The following ACOX3 variants were observed in gnomAD, a reference collection of about 807,000 sequenced individuals.
ACOX3 encodes peroxisomal acyl-coenzyme A oxidase 3.
In ACOX3, 73 loss-of-function variants were observed where a neutral mutation model predicts 81.5. That is an observed-to-expected ratio of 0.90 (90% CI 0.74 to 1.09). The LOEUF (loss-of-function observed/expected upper bound fraction) is 1.09. Among genes scored for constraint, ACOX3 ranks in the 50% least tolerant of loss-of-function variants. The pLI is 0.00. For missense variants in ACOX3, 947 were observed against 928.0 expected, an observed-to-expected ratio of 1.02 and a Z score of -0.27; for synonymous variants, 387 against 375.1, an observed-to-expected ratio of 1.03 and a Z score of -0.37.
intron 6 of ACOX3, among the ~76,000 whole-genome samples, chr4:8,409,346 G>A (rs1721415677): frequency 6.6e-6 from 1 of 152,208 alleles, no homozygotes; most frequent in African/African-American, 2.4e-5. Flanking sequence ...GGCAAGGGTG[G>A]GGCTGTCTGT....
chr4:8,426,562 C>T (rs1426295877), intron 1 of ACOX3, among the ~76,000 whole-genome samples: 1 of 143,258 alleles, frequency 7.0e-6, no homozygotes, highest in Admixed American at 7.1e-5. Context: ...ATCACCTCAC[C>T]CCCTCCATGC....
Position 8,385,154 on chromosome 4 carries a change from G to A in ACOX3, c.1538-3547C>T, listed in dbSNP as rs373022411. On this transcript the variant is annotated intron_variant, in intron 13 of 17. Coordinates refer to ENST00000356406, the MANE Select transcript of ACOX3 (RefSeq NM_003501.3). The surrounding 1 kb of genome is among the most constrained non-coding windows in gnomAD (Gnocchi z 5.5). Reference sequence around the variant, plus strand: ...TTAAAGCCTAGCTCAAGGTCACAGCGGGGGGCAGTGCTGACCCAATAGCCT... The same window carrying A: ...TTAAAGCCTAGCTCAAGGTCACAGCAGGGGGCAGTGCTGACCCAATAGCCT... 3.3e-5 allele frequency among the ~76,000 whole-genome samples: 5 copies of A among 152,090 alleles called. No homozygotes were observed. The highest frequency in any genetic ancestry group is 4.8e-5 in the African/African-American group (2 of 41,422).
chr4:8,397,797 A>C (rs1408549746), intron 8 of ACOX3, among the ~76,000 whole-genome samples: 1 of 152,240 alleles, frequency 6.6e-6, no homozygotes, highest in Non-Finnish European at 1.5e-5. Context: ...CTTCCAAGGC[A>C]GCATGGTAAT....
Position 8,405,977 on chromosome 4 carries a change from C to G in ACOX3, c.754G>C (p.Gly252Arg). The G allele has an allele frequency of 1.2e-6, 2 of 1,614,134 alleles. No individual in the cohort carries two copies. The highest frequency in any genetic ancestry group is 1.7e-6 in the Non-Finnish European group (2 of 1,180,030). Residue 252 changes from glycine to arginine, a missense_variant, in exon 7 of 18, where the codon GGG (glycine) becomes CGG (arginine). Gly to Arg is a moderately radical substitution (Grantham distance 125). Transcript: ENST00000356406. The surrounding 1 kb of genome is among the most constrained non-coding windows in gnomAD (Gnocchi z 7.1). ...VMVGDIGKKL[G>R]QNGLDNGFAM... The stretch of plus-strand genomic sequence containing the variant: ...CACCCATTATCCAGACCGTTCTGCC[C>G]GAGTTTTTTTCCTATGTCGCCAACC...
At position 8,416,277 on chromosome 4, in the gene ACOX3, C is replaced by A; in HGVS notation, c.144+101G>T. On this transcript the variant is annotated intron_variant, in intron 2 of 17. Transcript: ENST00000356406. The surrounding 1 kb of genome is among the most constrained non-coding windows in gnomAD (Gnocchi z 4.2). Reference sequence around the variant, plus strand: ...GCCGCGCTGCCTGGGATGAGCCTCGCCCGGCAGAGGAGGAGCTGTGAGAGC... The same window carrying A: ...GCCGCGCTGCCTGGGATGAGCCTCGACCGGCAGAGGAGGAGCTGTGAGAGC... 1 of 1,595,012 alleles carries A rather than the reference C, an allele frequency of 6.3e-7. No individual in the cohort carries two copies. The highest frequency in any genetic ancestry group is 8.6e-7 in the Non-Finnish European group (1 of 1,166,568).
chr4:8,411,306 G>A (rs1004265386), intron 5 of ACOX3, among the ~76,000 whole-genome samples: 1 of 152,216 alleles, frequency 6.6e-6, no homozygotes, highest in African/African-American at 2.4e-5. Context: ...GCCCCTGCAG[G>A]GTGGGAGGCT....
At chr4:8,415,603 A>C (rs990918816) in intron 3 of ACOX3, among the ~76,000 whole-genome samples, 163 bp downstream of exon 3, 51 of 152,174 alleles carry the variant, frequency 3.4e-4, no homozygotes, top group African/African-American at 1.0e-3. Flanking sequence ...AGGGGGACTG[A>C]AATTTTTTTA....
intron 1 of ACOX3, among the ~76,000 whole-genome samples, chr4:8,439,678 A>G (rs1025469922): frequency 3.3e-5 from 5 of 152,240 alleles, no homozygotes; most frequent in Non-Finnish European, 5.9e-5. Context: ...CACAGGTTTG[A>G]TCCTAGGTCT....
Position 8,384,840 on chromosome 4 carries a change from C to G in ACOX3, c.1538-3233G>C, listed in dbSNP as rs1185064037. On this transcript the variant is annotated intron_variant, in intron 13 of 17. Transcript: ENST00000356406. The surrounding 1 kb of genome is among the most constrained non-coding windows in gnomAD (Gnocchi z 5.3). ...CCTCAGCCAGATCACAGGCCCGGGT[C>G]TGACCATGCCCGCCGCTCTGGTGCT... 3.9e-5 allele frequency among the ~76,000 whole-genome samples: 6 copies of G among 152,216 alleles called. No individual in the cohort carries two copies. The highest frequency in any genetic ancestry group is 7.4e-5 in the Non-Finnish European group (5 of 68,024).
At chr4:8,420,111 T>C (rs1722770541) in intron 1 of ACOX3, among the ~76,000 whole-genome samples, 1 of 152,172 alleles carries the variant, frequency 6.6e-6, no homozygotes, top group Non-Finnish European at 1.5e-5. Flanking sequence ...GTGAGGAAAC[T>C]GGAGCTTCTT....
chr4:8,424,820 C>T (rs1578993763), intron 1 of ACOX3, among the ~76,000 whole-genome samples: 2 of 152,158 alleles, frequency 1.3e-5, no homozygotes, highest in Admixed American at 1.3e-4. Flanking sequence ...TTGACTGATC[C>T]CGACCTCAAC....
rs1410189755 is a variant in ACOX3, at chr4:8,430,815, C to T, written c.-15+9833G>A. Among the ~76,000 whole-genome samples, 1 of 152,200 alleles carries T rather than the reference C, an allele frequency of 6.6e-6. No homozygotes were observed. Among genetic ancestry groups the T allele is most frequent in the Non-Finnish European group, 1.5e-5 (1 of 68,036 alleles). ...AGGTTGCAGTGAGCCAAGGTAGCAC[C>T]ATTGCACTCCAGCCTGGGTGACAAG... On this transcript the variant is annotated intron_variant, in intron 1 of 17. Transcript: ENST00000356406. The surrounding 1 kb of genome is among the most constrained non-coding windows in gnomAD (Gnocchi z 5.2).
intron 8 of ACOX3, among the ~76,000 whole-genome samples, chr4:8,398,905 A>C (rs1720025651): frequency 6.6e-6 from 1 of 152,118 alleles, no homozygotes; most frequent in Non-Finnish European, 1.5e-5. Context: ...TTGATGTTGG[A>C]TTAACATCTC....
rs373052958 is a variant in ACOX3, at chr4:8,373,604, G to T, written c.1853C>A (p.Ala618Glu). The change falls in exon 16 of 18, where the codon GCG becomes GAG. Residue 618 changes from alanine to glutamate, a missense_variant. Coordinates refer to ENST00000356406, the MANE Select transcript of ACOX3 (RefSeq NM_003501.3). ...GACGGCGCTCTCCAACACTTCTCCC[G>T]CCTGCTCACCGGAGAAGTATCCTCC... ...YRGGYFSGEQ[A>E]GEVLESAVLA... The T allele has an allele frequency of 1.2e-6, 2 of 1,613,140 alleles. No homozygotes were observed. The highest frequency in any genetic ancestry group is 2.7e-5 in the African/African-American group (2 of 74,890).
At position 8,405,135 on chromosome 4, in the gene ACOX3, T is replaced by C. The variant is rs1720796286; in HGVS notation, c.776+820A>G. 6.6e-6 allele frequency among the ~76,000 whole-genome samples: 1 copy of C among 152,162 alleles called. No individual in the cohort carries two copies. Among genetic ancestry groups the C allele is most frequent in the African/African-American group, 2.4e-5 (1 of 41,434 alleles). ...AAGGGCCGGCTGCACATCTGTCTCA[T>C]TCCAAAAGTCATGCTGCTAATGACC... is the stretch of plus-strand genomic sequence containing the variant. On this transcript the variant is annotated intron_variant, in intron 7 of 17. Coordinates refer to ENST00000356406, the MANE Select transcript of ACOX3 (RefSeq NM_003501.3). The surrounding 1 kb of genome is among the most constrained non-coding windows in gnomAD (Gnocchi z 7.1).
At chr4:8,436,752 G>C (rs888424740) in intron 1 of ACOX3, among the ~76,000 whole-genome samples, 1 of 151,812 alleles carries the variant, frequency 6.6e-6, no homozygotes, top group African/African-American at 2.4e-5. Context: ...GGAAGGCCGA[G>C]GTGGGCAGAT....
chr4:8,363,081 C>A (rs1034732259), downstream of ACOX3, among the ~76,000 whole-genome samples: 1 of 152,206 alleles, frequency 6.6e-6, no homozygotes, highest in Admixed American at 6.5e-5. Flanking sequence ...TTTAGGCTAA[C>A]CCTGCTTATT....
At chr4:8,392,214 T>G in intron 11 of ACOX3, 119 bp downstream of exon 11, 1 of 1,280,352 alleles carries the variant, frequency 7.8e-7, no homozygotes, top group East Asian at 2.7e-5. Context: ...AAAACTTTAT[T>G]TGCAAAAACA....
At chr4:8,391,269 T>C (rs1157834011) in intron 11 of ACOX3, among the ~76,000 whole-genome samples, 3 of 152,114 alleles carry the variant, frequency 2.0e-5, no homozygotes, top group African/African-American at 4.8e-5. Flanking sequence ...CAAAGACAGA[T>C]TGTGGTGGGA....
Sources: allele counts gnomAD v4.1 joint callset (sites outside exome capture counted in the v4.1 genomes callset), GRCh38; gene constraint gnomAD v4.1.1; non-coding constraint Gnocchi (gnomAD v3.1); transcripts MANE v1.5; gene names NCBI Gene and HGNC (gene_info 2026-07-23, HGNC 2026-07-21).